Variants in STAU1 observed in about 807,000 individuals in gnomAD.
STAU1 encodes the protein staufen double-stranded RNA binding protein 1.
A neutral mutation model predicts 62.9 loss-of-function variants in STAU1; 13 were observed. That is an observed-to-expected ratio of 0.21 (90% CI 0.13 to 0.33). STAU1 has a LOEUF of 0.33. Among genes scored for constraint, STAU1 ranks in the 10% least tolerant of loss-of-function variants. The pLI is 1.00. For missense variants in STAU1, 571 were observed against 712.1 expected (o/e 0.80, Z 2.25); for synonymous variants, 269 against 265.1 (o/e 1.01, Z -0.14).
intron 8 of STAU1, 66 bp downstream of exon 8, chr20:49,123,026 C>T: frequency 1.3e-6 from 2 of 1,488,354 alleles, no homozygotes. Flanking sequence ...AGACCTTGAA[C>T]CGCCATCAGC....
chr20:49,162,537 G>A (rs1441639145), intron 3 of STAU1, among the ~76,000 whole-genome samples: 4 of 152,174 alleles, frequency 2.6e-5, no homozygotes, highest in African/African-American at 4.8e-5. Context: ...CACTTTGGGA[G>A]GCCGAGGCAG....
At chr20:49,178,337 G>A (rs1386682854) in intron 1 of STAU1, among the ~76,000 whole-genome samples, 2 of 152,156 alleles carry the variant, frequency 1.3e-5, no homozygotes, top group East Asian at 1.9e-4. Flanking sequence ...TACTAAACCA[G>A]GCACCGTGGC....
At chr20:49,115,068 T>G (rs62210399) in intron 13 of STAU1, among the ~76,000 whole-genome samples, 175 bp from the exon 14 acceptor site, 14,745 of 152,004 alleles carry the variant, frequency 0.097, 930 homozygotes, top group Non-Finnish European at 0.13. Context: ...AAGGAGAGTG[T>G]GTGTACTTAT....
chr20:49,153,841 C>T (rs2093308707), intron 4 of STAU1, 92 bp downstream of exon 4: 1 of 1,267,232 alleles, frequency 7.9e-7, no homozygotes, highest in Non-Finnish European at 1.0e-6. Flanking sequence ...CAAATCATTA[C>T]TCCCTCCACA....
intron 3 of STAU1, 32 bp downstream of exon 3, chr20:49,165,965 G>C: frequency 1.2e-6 from 2 of 1,606,536 alleles, no homozygotes; most frequent in Non-Finnish European, 1.7e-6. Context: ...GAAAACATTT[G>C]AAATAGAAGA....
intron 5 of STAU1, among the ~76,000 whole-genome samples, chr20:49,147,074 A>G (rs2093146127): frequency 6.6e-6 from 1 of 152,204 alleles, no homozygotes; most frequent in Non-Finnish European, 1.5e-5. Context: ...CTCTCTGGGC[A>G]TACACTGTCC....
At chr20:49,141,186 T>C (rs1485888991) in intron 5 of STAU1, among the ~76,000 whole-genome samples, 1 of 152,218 alleles carries the variant, frequency 6.6e-6, no homozygotes, top group African/African-American at 2.4e-5. Flanking sequence ...TTACAACCTA[T>C]TTCAAACATA....
intron 5 of STAU1, among the ~76,000 whole-genome samples, chr20:49,138,333 AT>A (rs1458705808): frequency 1.3e-5 from 2 of 152,122 alleles, no homozygotes; most frequent in African/African-American, 4.8e-5. Flanking sequence ...GGTTAAAAAA[AT>A]ATATATATAA....
At chr20:49,156,250 T>C (rs1438495533) in intron 3 of STAU1, among the ~76,000 whole-genome samples, 1 of 152,218 alleles carries the variant, frequency 6.6e-6, no homozygotes, top group Admixed American at 6.5e-5. Context: ...ATATTTTCAT[T>C]AAACTTCGGA....
chr20:49,209,845 G>A, the STAU1 span, among the ~76,000 whole-genome samples: 33 of 152,082 alleles, frequency 2.2e-4, no homozygotes, highest in African/African-American at 7.7e-4. Context: ...TCAGGAGATC[G>A]AGACTATCCT....
At chr20:49,125,903 G>C (rs779411035) in intron 6 of STAU1, among the ~76,000 whole-genome samples, 3 of 151,970 alleles carry the variant, frequency 2.0e-5, no homozygotes, top group African/African-American at 7.3e-5. Flanking sequence ...GTAGACAGAC[G>C]GGATGAGACG....
At chr20:49,200,068 G>A in the STAU1 span, among the ~76,000 whole-genome samples, 88 of 152,308 alleles carry the variant, frequency 5.8e-4, no homozygotes, top group Middle Eastern at 3.4e-3. Context: ...TGGTATGACA[G>A]TTTGGCAGTT....
At position 49,117,588 on chromosome 20, in the gene STAU1, GA is replaced by G. The variant is rs2092358289; in HGVS notation, c.1509+188del. ...TGAAATCTTACTACCAAAGGATAAAGATATTTCTCTTACCACATATGCTTAC... is the reference window on the plus strand; with the variant it reads ...TGAAATCTTACTACCAAAGGATAAAGTATTTCTCTTACCACATATGCTTAC... On this transcript the variant is annotated intron_variant, in intron 11 of 13. Transcript: ENST00000371856. This position sits in a 1 kb window ranked among gnomAD's most constrained non-coding sequence, Gnocchi z 4.6. Among the ~76,000 whole-genome samples the G allele has an allele frequency of 6.6e-6, 1 of 152,168 alleles. No homozygotes were observed. The highest frequency in any genetic ancestry group is 1.5e-5 in the Non-Finnish European group (1 of 68,042).
the STAU1 span, among the ~76,000 whole-genome samples, chr20:49,194,862 A>G: frequency 6.6e-6 from 1 of 151,934 alleles, no homozygotes; most frequent in Admixed American, 6.6e-5. Flanking sequence ...TACAGGCATG[A>G]GCCACCCTGT....
chr20:49,201,121 A>G, the STAU1 span, among the ~76,000 whole-genome samples: 1 of 151,048 alleles, frequency 6.6e-6, no homozygotes, highest in East Asian at 1.9e-4. Context: ...CAGTGAGATC[A>G]GTGGTTGTCA....
chr20:49,210,623 C>CA, the STAU1 span: 1 of 410,472 alleles, frequency 2.4e-6, no homozygotes, highest in Non-Finnish European at 4.9e-6. Flanking sequence ...TTGGCACTTA[C>CA]ACTTTGCATA....
chr20:49,158,920 T>TAAATAAAC, intron 3 of STAU1: 2 of 1,234,270 alleles, frequency 1.6e-6, no homozygotes, highest in East Asian at 6.1e-5. Context: ...AATAAATAAA[T>TAAATAAAC]AAATAAATAA....
Position 49,185,185 on chromosome 20 carries a change from A to G in STAU1, c.-160+2931T>C, listed in dbSNP as rs1047384878. 2.2e-4 allele frequency among the ~76,000 whole-genome samples: 34 copies of G among 152,264 alleles called. 1 individual carries two copies. Among genetic ancestry groups the G allele is most frequent in the East Asian group, 5.8e-4 (3 of 5,208 alleles). Reference sequence around the variant, plus strand: ...ATTCTTAACCTAAGGTAACAGCAGTATCTTTACACAACTACTGTAAAGAAA... The same window carrying G: ...ATTCTTAACCTAAGGTAACAGCAGTGTCTTTACACAACTACTGTAAAGAAA... On this transcript the variant is annotated intron_variant, in intron 1 of 13. Transcript: ENST00000371856.
chr20:49,154,835 A>G (rs1382448751), intron 3 of STAU1, among the ~76,000 whole-genome samples: 4 of 151,816 alleles, frequency 2.6e-5, no homozygotes, highest in Admixed American at 2.6e-4. Context: ...CTGTAATCCC[A>G]GCACTTTGGA....
Sources: gnomAD v4.1 joint callset for allele counts (sites outside exome capture counted in the v4.1 genomes callset) on GRCh38, gnomAD v4.1.1 for gene constraint, Gnocchi (gnomAD v3.1) non-coding constraint, MANE v1.5 for transcripts, NCBI Gene and HGNC (gene_info 2026-07-23, HGNC 2026-07-21) for gene names.